Variants in SEMA4A observed in about 807,000 individuals in gnomAD.
SEMA4A encodes the protein semaphorin-4A.
SEMA4A carries 52 observed loss-of-function variants against 72.5 expected under a neutral mutation model. That is an observed-to-expected ratio of 0.72 (90% CI 0.57 to 0.90). The LOEUF (loss-of-function observed/expected upper bound fraction) is 0.90. Among genes scored for constraint, SEMA4A ranks in the 40% least tolerant of loss-of-function variants. The probability of loss-of-function intolerance (pLI) is 0.00; values close to 1 mark genes in which losing one functional copy is unlikely to be tolerated. For missense variants in SEMA4A, 926 were observed against 959.7 expected (o/e 0.96, Z 0.46); for synonymous variants, 369 against 393.1 (o/e 0.94, Z 0.73).
intron 10 of SEMA4A, among the ~76,000 whole-genome samples, chr1:156,172,338 A>T (rs538595090): frequency 3.7e-4 from 56 of 149,712 alleles, no homozygotes; most frequent in African/African-American, 1.3e-3. Flanking sequence ...CTGGTCTCGA[A>T]CTCCTGACCT....
At chr1:156,165,066 G>A (rs544421188) in intron 10 of SEMA4A, among the ~76,000 whole-genome samples, 27 of 152,238 alleles carry the variant, frequency 1.8e-4, no homozygotes, top group South Asian at 1.2e-3. Context: ...CTCCCAAAGC[G>A]CTAGGATTAC....
intron 10 of SEMA4A, among the ~76,000 whole-genome samples, chr1:156,166,890 C>A (rs1454959457): frequency 3.3e-5 from 5 of 151,678 alleles, no homozygotes; most frequent in Non-Finnish European, 7.4e-5. Flanking sequence ...GATGGTGCCA[C>A]TGCACTCCAG....
Position 156,167,021 on chromosome 1 carries a change from C to T in SEMA4A, c.1134+3927C>T, listed in dbSNP as rs1223341628. On this transcript the variant is annotated intron_variant, in intron 10 of 14. Transcript: ENST00000368285. ...GCTCAAGTGATCCTCCTACCTCAGC[C>T]TCCTGAGTAACTAGAACTACAAGCA... Among the ~76,000 whole-genome samples, 3 of 152,072 alleles carry T rather than the reference C, an allele frequency of 2.0e-5. No individual in the cohort carries two copies. The South Asian group carries it at 6.2e-4, about 32-fold the overall frequency.
chr1:156,150,054 T>A (rs1652405054), upstream of SEMA4A: 1 of 150,090 alleles, frequency 6.7e-6, no homozygotes, highest in South Asian at 2.1e-4. Flanking sequence ...AGCCTGGCAT[T>A]CCAGAGGGAG....
intron 8 of SEMA4A, 21 bp from the exon 9 acceptor site, chr1:156,161,323 CCT>C: frequency 1.1e-6 from 1 of 943,022 alleles, no homozygotes; most frequent in Non-Finnish European, 1.6e-6. Context: ...CGGGGCGCCC[CCT>C]GACTCCCCCT....
At chr1:156,161,195 G>A (rs1417181101) in intron 8 of SEMA4A, 151 bp from the exon 9 acceptor site, 1 of 496,772 alleles carries the variant, frequency 2.0e-6, no homozygotes, top group Non-Finnish European at 3.2e-6. Context: ...CGGGTGGGGC[G>A]GGGGACAAGC....
chr1:156,171,302 C>T (rs1383905321), intron 10 of SEMA4A, among the ~76,000 whole-genome samples: 1 of 152,182 alleles, frequency 6.6e-6, no homozygotes, highest in Non-Finnish European at 1.5e-5. Context: ...GTCCCAGAGC[C>T]ACAGCATCCT....
chr1:156,151,648 C>T (rs545857489), upstream of SEMA4A, among the ~76,000 whole-genome samples: 4 of 152,046 alleles, frequency 2.6e-5, no homozygotes, highest in Non-Finnish European at 5.9e-5. Context: ...GCCTAGCCAG[C>T]ATGGTGAAAC....
chr1:156,161,440 A>G lies in SEMA4A; in HGVS notation c.905A>G (p.Asn302Ser), dbSNP rs1231706312. ...LCTQPGQLPF[N>S]VIRHAVLLPA... ...ACCCAGCCGGGGCAGCTGCCCTTCA[A>G]CGTCATCCGCCACGCGGTCCTGCTC... is the stretch of plus-strand genomic sequence containing the variant. The change falls in exon 9 of 15, where the codon AAC (asparagine) becomes AGC (serine). Residue 302 changes from asparagine to serine, a missense_variant. Physicochemically the swap from Asn to Ser is conservative, Grantham distance 46. Transcript: ENST00000368285. 1.2e-6 allele frequency: 2 copies of G among 1,613,832 alleles called. No individual in the cohort carries two copies. Among genetic ancestry groups the G allele is most frequent in the African/African-American group, 2.7e-5 (2 of 74,904 alleles).
intron 9 of SEMA4A, chr1:156,161,731 A>G: frequency 1.8e-6 from 1 of 561,824 alleles, no homozygotes; most frequent in South Asian, 2.5e-5. Flanking sequence ...TAACTAGTTT[A>G]TATTCTGCCT....
upstream of SEMA4A, among the ~76,000 whole-genome samples, chr1:156,149,253 C>T (rs1422743856): frequency 2.0e-5 from 3 of 152,242 alleles, no homozygotes; most frequent in African/African-American, 7.2e-5. Flanking sequence ...CGCTGCCTGC[C>T]TGTGCTCCTC....
At chr1:156,160,644 A>T (rs962584140) in intron 7 of SEMA4A, 85 bp downstream of exon 7, 1 of 1,247,226 alleles carries the variant, frequency 8.0e-7, no homozygotes, top group African/African-American at 1.5e-5. Context: ...GGAAGGTACA[A>T]TGTGTCCATT....
At chr1:156,150,994 T>G (rs377022924), upstream of SEMA4A, among the ~76,000 whole-genome samples, 8 of 152,236 alleles carry the variant, frequency 5.3e-5, no homozygotes, top group African/African-American at 1.9e-4. Flanking sequence ...CCCTTCCCAC[T>G]GCCACCCCAC....
At chr1:156,171,046 C>T (rs1057284646) in intron 10 of SEMA4A, among the ~76,000 whole-genome samples, 1 of 152,174 alleles carries the variant, frequency 6.6e-6, no homozygotes, top group African/African-American at 2.4e-5. Context: ...GACCCTGTCT[C>T]TATTTGTAAA....
rs1381691501 is a variant in SEMA4A at position 156,170,481 on chromosome 1, A to C, written c.1135-2345A>C. ...GTCTCAAAAAAAAAAAAAAAAAAAA[A>C]AAAGGCCAGGCGCTTGTAATCCCAC... On this transcript the variant is annotated intron_variant, in intron 10 of 14. Coordinates refer to ENST00000368285, the MANE Select transcript of SEMA4A (RefSeq NM_022367.4). Among the ~76,000 whole-genome samples, 569 of 148,256 alleles carry C rather than the reference A, an allele frequency of 3.8e-3. 6 individuals are homozygous for C. The highest frequency in any genetic ancestry group is 0.014 in the African/African-American group (550 of 40,136).
Position 156,160,486 on chromosome 1 carries a change from T to G in SEMA4A, c.612T>G (p.Ser204Arg). ...YSGTMNNFLG[S>R]EPILMRTLGS... ...GTACTATGAACAACTTCCTGGGCAG[T>G]GAGCCCATCCTGATGCGCACACTGG... Residue 204 changes from serine to arginine, a missense_variant, in exon 7 of 15, where the codon AGT becomes AGG. Ser to Arg is a moderately radical substitution (Grantham distance 110). Coordinates refer to ENST00000368285, the MANE Select transcript of SEMA4A (RefSeq NM_022367.4). 6.2e-7 allele frequency: 1 copy of G among 1,614,138 alleles called. No homozygotes were observed.
At chr1:156,161,613 G>T in intron 9 of SEMA4A, 95 bp downstream of exon 9, 1 of 1,353,534 alleles carries the variant, frequency 7.4e-7, no homozygotes, top group Non-Finnish European at 1.0e-6. Flanking sequence ...ACATGAGCCA[G>T]CACCTACTCA....
chr1:156,177,188 TC>T lies in SEMA4A; in HGVS notation c.*194del, dbSNP rs1655440890. Reference sequence around the variant, plus strand: ...CAGCAGTCTGCCTCCCCTATGGGACTCCCTTCTACCAAGCACATGAGCTCTC... The same window carrying T: ...CAGCAGTCTGCCTCCCCTATGGGACTCCTTCTACCAAGCACATGAGCTCTC... On this transcript the variant is annotated 3_prime_UTR_variant, in exon 15 of 15. Coordinates refer to ENST00000368285, the MANE Select transcript of SEMA4A (RefSeq NM_022367.4). 2 of 663,644 alleles carry T rather than the reference TC, an allele frequency of 3.0e-6. No homozygotes were observed. Among genetic ancestry groups the T allele is most frequent in the Non-Finnish European group, 5.4e-6 (2 of 369,056 alleles). The allele number at this position is 663,644 out of a possible 1,614,324, so 41.1% of individuals were successfully genotyped here.
At chr1:156,165,507 A>T (rs539241455) in intron 10 of SEMA4A, among the ~76,000 whole-genome samples, 1 of 152,144 alleles carries the variant, frequency 6.6e-6, no homozygotes, top group South Asian at 2.1e-4. Context: ...AGCTAGGTAT[A>T]CGTAATTCTA....
Sources: allele counts gnomAD v4.1 joint callset (sites outside exome capture counted in the v4.1 genomes callset), GRCh38; gene constraint gnomAD v4.1.1; transcripts MANE v1.5; gene names NCBI Gene and HGNC (gene_info 2026-07-23, HGNC 2026-07-21).